The following PELP1 variants were observed in gnomAD, a reference collection of about 807,000 sequenced individuals.
PELP1 encodes the protein proline, glutamate and leucine rich protein 1, also known as proline-, glutamic acid- and leucine-rich protein 1.
A neutral mutation model predicts 95.5 loss-of-function variants in PELP1; 32 were observed. The ratio of observed to expected loss-of-function variants is 0.34; its 90% CI spans 0.25 to 0.45. The LOEUF (loss-of-function observed/expected upper bound fraction) is 0.45. PELP1 is among the 20% of genes least tolerant of loss of function. PELP1 has a pLI of 1.00. For synonymous variants in PELP1, 668 were observed against 600.1 expected (o/e 1.11, Z -1.65); for missense variants, 1,358 against 1,444.8 (o/e 0.94, Z 0.97).
chr17:4,689,892 G>A (rs888531150), intron 3 of PELP1, among the ~76,000 whole-genome samples: 2 of 152,170 alleles, frequency 1.3e-5, no homozygotes, highest in African/African-American at 2.4e-5. Context: ...TAGGAATGGT[G>A]GCGCACGCTT....
At chr17:4,681,418 G>A (rs891183191) in intron 5 of PELP1, among the ~76,000 whole-genome samples, 10 of 152,032 alleles carry the variant, frequency 6.6e-5, no homozygotes, top group African/African-American at 2.4e-4. Flanking sequence ...GCTAAGGCAT[G>A]AGAATCACTT....
Position 4,671,866 on chromosome 17 carries a change from T to A in PELP1, c.3125A>T (p.Glu1042Val), listed in dbSNP as rs745916512. 10 of 1,512,660 alleles carry A rather than the reference T, an allele frequency of 6.6e-6. No homozygotes were observed. The highest frequency in any genetic ancestry group is 7.9e-6 in the Non-Finnish European group (9 of 1,134,418). 93.7% of individuals were successfully genotyped at this position (1,512,660 alleles called of 1,614,324 possible). A position where few individuals can be genotyped will look rare whatever the true frequency, so the allele number is the denominator to read the frequency against. The change falls in exon 16 of 17, where the codon GAA becomes GTA. Residue 1042 changes from glutamate to valine, a missense_variant. Glu to Val is a moderately radical substitution (Grantham distance 121). Coordinates refer to ENST00000572293, the MANE Select transcript of PELP1 (RefSeq NM_014389.3). The stretch of plus-strand genomic sequence containing the variant: ...GGGAGGGGGCCCTGCCGCAGGGCTT[T>A]CCCCTTCCCTCTCCACCTCTCCCTG... ...PSQGEVEREG[E>V]SPAAGPPPQE...
In PELP1 at chr17:4,675,389, G is replaced by C; in HGVS notation, c.1069-27C>G. Reference sequence around the variant, plus strand: ...TGGAGAAAAAAGGGGCAGAGATAAAGAGTGGAGGAAGAAAGTGAGAGCCAG... The same window carrying C: ...TGGAGAAAAAAGGGGCAGAGATAAACAGTGGAGGAAGAAAGTGAGAGCCAG... On this transcript the variant is annotated intron_variant, in intron 9 of 16. Coordinates refer to ENST00000572293, the MANE Select transcript of PELP1 (RefSeq NM_014389.3). The surrounding 1 kb of genome is among the most constrained non-coding windows in gnomAD (Gnocchi z 4.3). 1 of 1,352,074 alleles carries C rather than the reference G, an allele frequency of 7.4e-7. No individual in the cohort carries two copies. The highest frequency in any genetic ancestry group is 1.2e-5 in the South Asian group (1 of 80,024). 83.8% of individuals were successfully genotyped at this position (1,352,074 alleles called of 1,614,324 possible). A position where few individuals can be genotyped will look rare whatever the true frequency, so the allele number is the denominator to read the frequency against.
At chr17:4,688,355 G>T (rs1291701290) in intron 3 of PELP1, among the ~76,000 whole-genome samples, 1 of 151,712 alleles carries the variant, frequency 6.6e-6, no homozygotes, top group African/African-American at 2.4e-5. Context: ...AAAAAAGGAA[G>T]AAAGGAAGAA....
rs1913219800 is a variant in PELP1 at position 4,694,495 on chromosome 17, T to TAAAAAAAAAAAAAAAAAA, written c.250-3054_250-3053insTTTTTTTTTTTTTTTTTT. On this transcript the variant is annotated intron_variant, in intron 1 of 16. Transcript: ENST00000572293. ...GGTGAAACGCCATCTCTACCAAAAATACAAAAAAAAAAAAATCAGCCAGGC... is the reference window on the plus strand; with the variant it reads ...GGTGAAACGCCATCTCTACCAAAAATAAAAAAAAAAAAAAAAAAACAAAAAAAAAAAAATCAGCCAGGC... Among the ~76,000 whole-genome samples the TAAAAAAAAAAAAAAAAAA allele has an allele frequency of 1.6e-3, 3 of 1,826 alleles. 1 individual carries two copies. The highest frequency in any genetic ancestry group is 2.4e-3 in the African/African-American group (2 of 824). The allele number at this position is 1,826 out of a possible 152,430, so 1.2% of individuals were successfully genotyped here. A position where few individuals can be genotyped will look rare whatever the true frequency, so the allele number is the denominator to read the frequency against.
Position 4,673,831 on chromosome 17 carries a change from C to T in PELP1, c.1583-157G>A, listed in dbSNP as rs565939648. 1.0e-5 allele frequency: 7 copies of T among 684,592 alleles called. No homozygotes were observed. Among genetic ancestry groups the T allele is most frequent in the African/African-American group, 3.5e-5 (2 of 56,626 alleles). The allele number at this position is 684,592 out of a possible 1,614,324, so 42.4% of individuals were successfully genotyped here. A position where few individuals can be genotyped will look rare whatever the true frequency, so the allele number is the denominator to read the frequency against. On this transcript the variant is annotated intron_variant, in intron 13 of 16. Coordinates refer to ENST00000572293, the MANE Select transcript of PELP1 (RefSeq NM_014389.3). The surrounding 1 kb of genome is among the most constrained non-coding windows in gnomAD (Gnocchi z 5.7). ...CTAGAAAATGGGGATCATAAAAGTACCTCTACTGTATAGGGCCACTGACGG... is the reference window on the plus strand; with the variant it reads ...CTAGAAAATGGGGATCATAAAAGTATCTCTACTGTATAGGGCCACTGACGG...
At position 4,674,881 on chromosome 17, in the gene PELP1, C is replaced by A; in HGVS notation, c.1350G>T (p.Gln450His). The stretch of plus-strand genomic sequence containing the variant: ...GCAGGGCCTCTCCAGAGGCTCCTCC[C>A]TGAAGCATTCCCGCCGAGGCCCCAC... ...QVCGASAGML[Q>H]GGASGEALLT... The change falls in exon 12 of 17, where the codon CAG (glutamine) becomes CAT (histidine). Residue 450 changes from glutamine to histidine, a missense_variant. Around this residue, in one of 7 missense-constraint regions of PELP1, gnomAD observed 538 missense variants for 628.1 expected, o/e 0.86. Coordinates refer to ENST00000572293, the MANE Select transcript of PELP1 (RefSeq NM_014389.3). 1 of 1,613,766 alleles carries A rather than the reference C, an allele frequency of 6.2e-7. No homozygotes were observed. Among genetic ancestry groups the A allele is most frequent in the South Asian group, 1.1e-5 (1 of 91,082 alleles).
intron 3 of PELP1, among the ~76,000 whole-genome samples, chr17:4,686,525 C>T (rs1437945768): frequency 1.3e-5 from 2 of 151,890 alleles, no homozygotes; most frequent in African/African-American, 2.4e-5. Flanking sequence ...TTCTTTCTTT[C>T]TTTCTTATTT....
At chr17:4,674,372 C>A (rs755687029) in intron 13 of PELP1, 138 bp downstream of exon 13, 3 of 722,256 alleles carry the variant, frequency 4.2e-6, no homozygotes, top group Admixed American at 6.2e-5. Context: ...GATCACTTAT[C>A]GCAGTGGACG....
intron 5 of PELP1, among the ~76,000 whole-genome samples, chr17:4,678,014 G>C (rs1334214861): frequency 1.3e-5 from 2 of 152,006 alleles, no homozygotes; most frequent in Non-Finnish European, 2.9e-5. Flanking sequence ...AGGAGTTCAA[G>C]ACCAGCCTGG....
In PELP1 at chr17:4,672,680, CCTT is replaced by C. The variant is rs1912274351; in HGVS notation, c.2308_2310del (p.Lys770del). 3.1e-6 allele frequency: 5 copies of C among 1,613,498 alleles called. No homozygotes were observed. The highest frequency in any genetic ancestry group is 3.4e-6 in the Non-Finnish European group (4 of 1,179,774). ...GAGATCTCCACATCAGATGCCTCCT[CCTT>C]GTCATAGTGGACAAAGGCTGGTCTG... On this transcript the variant is annotated inframe_deletion, in exon 16 of 17. Coordinates refer to ENST00000572293, the MANE Select transcript of PELP1 (RefSeq NM_014389.3).
At chr17:4,689,320 C>G (rs566039757) in intron 3 of PELP1, among the ~76,000 whole-genome samples, 1 of 152,106 alleles carries the variant, frequency 6.6e-6, no homozygotes, top group African/African-American at 2.4e-5. Context: ...GCAACAAAAA[C>G]AAAGATAAAT....
chr17:4,703,684 C>T (rs1027225506), intron 1 of PELP1, among the ~76,000 whole-genome samples, 179 bp downstream of exon 1: 1 of 152,234 alleles, frequency 6.6e-6, no homozygotes, highest in Non-Finnish European at 1.5e-5. Flanking sequence ...TGGAGAAACT[C>T]ATGGCCGATA....
In PELP1 at chr17:4,675,108, G is replaced by A. The variant is rs762224366; in HGVS notation, c.1245C>T (p.Ser415=). ...VLNSWSIGRD[S]LSPGQERPYS... ...AAGGCCTCTCCTGGCCTGGAGAGAG[G>A]GAATCTCTACCGATGCTCCAGGAAT... Residue 415 remains serine, a synonymous_variant, in exon 11 of 17, where the codon TCC becomes TCT. Coordinates refer to ENST00000572293, the MANE Select transcript of PELP1 (RefSeq NM_014389.3). This position sits in a 1 kb window ranked among gnomAD's most constrained non-coding sequence, Gnocchi z 4.3. The A allele has an allele frequency of 1.1e-5, 17 of 1,613,764 alleles. No individual in the cohort carries two copies. Among genetic ancestry groups the A allele is most frequent in the African/African-American group, 1.3e-5 (1 of 74,882 alleles).
rs1290045877 is a variant in PELP1 at position 4,669,874 on chromosome 17, T to C, written c.*1565A>G. On this transcript the variant is annotated 3_prime_UTR_variant, in exon 17 of 17. Coordinates refer to ENST00000572293, the MANE Select transcript of PELP1 (RefSeq NM_014389.3). ...GTATCAGGATTGTGCAGAAAAACATTCTTATCTTAGAAGATAATTCATGTT... is the reference window on the plus strand; with the variant it reads ...GTATCAGGATTGTGCAGAAAAACATCCTTATCTTAGAAGATAATTCATGTT... The C allele has an allele frequency of 1.3e-5, 2 of 152,198 alleles. No homozygotes were observed. The highest frequency in any genetic ancestry group is 4.8e-5 in the African/African-American group (2 of 41,450). 9.4% of individuals were successfully genotyped at this position (152,198 alleles called of 1,614,324 possible).
chr17:4,676,549 G>A (rs764285475), intron 6 of PELP1, 42 bp from the exon 7 acceptor site: 1 of 1,606,936 alleles, frequency 6.2e-7, no homozygotes, highest in East Asian at 2.2e-5. Context: ...TGGGAATCCA[G>A]CCCAGCCACA....
intron 1 of PELP1, among the ~76,000 whole-genome samples, chr17:4,701,324 T>G (rs1349534135): frequency 3.3e-3 from 426 of 128,664 alleles, no homozygotes; most frequent in South Asian, 4.3e-3. Flanking sequence ...GGATGAGAGT[T>G]GGGGGGGTGG....
rs1447649702 is a variant in PELP1, at chr17:4,671,409, T to C, written c.*30A>G. On this transcript the variant is annotated 3_prime_UTR_variant, in exon 17 of 17. Transcript: ENST00000572293. ...TCGCTATCTAAGGACATAACTTTAT[T>C]GGAAACAAAGAGTGGGGTGCAGAAG... The C allele has an allele frequency of 1.7e-6, 2 of 1,191,298 alleles. No homozygotes were observed. The highest frequency in any genetic ancestry group is 2.5e-6 in the Non-Finnish European group (2 of 794,456). The allele number at this position is 1,191,298 out of a possible 1,614,324, so 73.8% of individuals were successfully genotyped here.
intron 5 of PELP1, among the ~76,000 whole-genome samples, chr17:4,678,849 G>C (rs941880930): frequency 3.3e-5 from 5 of 152,160 alleles, no homozygotes; most frequent in Non-Finnish European, 7.3e-5. Context: ...TCCGGGGAAT[G>C]TAACAGAAAA....
Sources: allele counts gnomAD v4.1 joint callset (sites outside exome capture counted in the v4.1 genomes callset), GRCh38; gene constraint gnomAD v4.1.1; regional missense constraint gnomAD v4.1.1; non-coding constraint Gnocchi (gnomAD v3.1); transcripts MANE v1.5; gene names NCBI Gene and HGNC (gene_info 2026-07-23, HGNC 2026-07-21).